CMTM7: variants seen among roughly 807,000 people sequenced by gnomAD.
CMTM7 encodes the protein CKLF like MARVEL transmembrane domain containing 7, also known as CKLF-like MARVEL transmembrane domain-containing protein 7.
A neutral mutation model predicts 19.3 loss-of-function variants in CMTM7; 7 were observed. That is an observed-to-expected ratio of 0.36 (90% CI 0.21 to 0.68). The LOEUF (loss-of-function observed/expected upper bound fraction) is 0.68, where lower values mean the gene tolerates loss of function less well. Among genes scored for constraint, CMTM7 ranks in the 30% least tolerant of loss-of-function variants. The probability of loss-of-function intolerance (pLI) is 0.60; values close to 1 mark genes in which losing one functional copy is unlikely to be tolerated. For synonymous variants in CMTM7, 87 were observed against 99.3 expected (o/e 0.88, Z 0.74); for missense variants, 193 against 232.6 (o/e 0.83, Z 1.11).
chr3:32,440,844 G>A (rs142126515), intron 1 of CMTM7, among the ~76,000 whole-genome samples: 291 of 152,328 alleles, frequency 1.9e-3, no homozygotes, highest in African/African-American at 6.7e-3. Flanking sequence ...ATTGAATCCC[G>A]TGTGTTACTG....
chr3:32,409,019 C>T (rs1321538599), intron 1 of CMTM7, among the ~76,000 whole-genome samples: 7 of 151,948 alleles, frequency 4.6e-5, no homozygotes, highest in Non-Finnish European at 8.8e-5. Context: ...GTAGCTGGGA[C>T]TACAGTCACG....
chr3:32,404,130 T>TTTTC lies in CMTM7; in HGVS notation c.159+12077_159+12080dup, dbSNP rs201541662. On this transcript the variant is annotated intron_variant, in intron 1 of 4. Coordinates refer to ENST00000334983, the MANE Select transcript of CMTM7 (RefSeq NM_138410.4). The stretch of plus-strand genomic sequence containing the variant: ...ACATGCAATTTCCCTTTGTTTAATC[T>TTTTC]TTTCTTTCTTTCTTTTTTTTTCTTT... Among the ~76,000 whole-genome samples, 49 of 150,042 alleles carry TTTTC rather than the reference T, an allele frequency of 3.3e-4. No homozygotes were observed. In the East Asian group the frequency reaches 9.3e-3, roughly 29 times the overall value.
intron 1 of CMTM7, among the ~76,000 whole-genome samples, chr3:32,413,958 T>G (rs547704175): frequency 6.6e-6 from 1 of 152,180 alleles, no homozygotes; most frequent in South Asian, 2.1e-4. Flanking sequence ...GCCTAACCTC[T>G]CCCTGGGGGC....
rs187284321 is a variant in CMTM7, at chr3:32,425,659, A to G, written c.160-16181A>G. On this transcript the variant is annotated intron_variant, in intron 1 of 4. Transcript: ENST00000334983. ...AAGAGTGCCAATCTGTTGTATATAT[A>G]GTACATTCCAGTCTCAACAACATTA... is the stretch of plus-strand genomic sequence containing the variant. Among the ~76,000 whole-genome samples the G allele has an allele frequency of 3.2e-4, 48 of 152,292 alleles. 1 individual carries two copies. Among genetic ancestry groups the G allele is most frequent in the Admixed American group, 1.8e-3 (27 of 15,290 alleles).
chr3:32,419,763 T>C (rs1029827913), intron 1 of CMTM7, among the ~76,000 whole-genome samples: 4 of 152,234 alleles, frequency 2.6e-5, no homozygotes, highest in African/African-American at 9.6e-5. Context: ...CTTATATATG[T>C]TGGATATGAT....
intron 4 of CMTM7, 41 bp downstream of exon 4, chr3:32,452,514 C>T (rs368378519): frequency 1.3e-6 from 2 of 1,595,830 alleles, no homozygotes; most frequent in East Asian, 2.2e-5. Context: ...CTCTCAGGAA[C>T]AGGGGGATGG....
chr3:32,427,802 G>A (rs113003234), intron 1 of CMTM7, among the ~76,000 whole-genome samples: 165 of 152,338 alleles, frequency 1.1e-3, no homozygotes, highest in African/African-American at 3.5e-3. Flanking sequence ...AGAAGCAGAC[G>A]TTGGAAAGGG....
Position 32,435,156 on chromosome 3 carries a change from C to A in CMTM7, c.160-6684C>A, listed in dbSNP as rs186292131. 3.1e-3 allele frequency among the ~76,000 whole-genome samples: 475 copies of A among 152,324 alleles called. 8 individuals carry two copies. The highest frequency in any genetic ancestry group is 0.017 in the Admixed American group (261 of 15,308). ...CGGTGGCTCACGCCTGTAATCTCAA[C>A]ACTTTGGGAGGCCGAGGCGGGTGGA... is the stretch of plus-strand genomic sequence containing the variant. On this transcript the variant is annotated intron_variant, in intron 1 of 4. Transcript: ENST00000334983.
intron 1 of CMTM7, among the ~76,000 whole-genome samples, chr3:32,408,184 T>A (rs985458082): frequency 6.6e-6 from 1 of 152,188 alleles, no homozygotes; most frequent in Admixed American, 6.5e-5. Flanking sequence ...ATGCGTTGAC[T>A]TCAGCCCAAT....
chr3:32,406,989 A>G (rs770825183), intron 1 of CMTM7, among the ~76,000 whole-genome samples: 12 of 152,244 alleles, frequency 7.9e-5, no homozygotes, highest in Non-Finnish European at 8.8e-5. Context: ...GGCTGCAAGC[A>G]TAATGAGTTA....
intron 1 of CMTM7, among the ~76,000 whole-genome samples, chr3:32,430,686 T>TGTGTGTGTGTGTGTGTGTGG (rs1372022722): frequency 6.8e-6 from 1 of 147,246 alleles, no homozygotes; most frequent in Non-Finnish European, 1.5e-5. Context: ...TCTGAATGTG[T>TGTGTGTGTGTGTGTGTGTGG]GTGTGTGTGT....
chr3:32,419,802 T>C (rs1181153928), intron 1 of CMTM7, among the ~76,000 whole-genome samples: 1 of 152,242 alleles, frequency 6.6e-6, no homozygotes, highest in Non-Finnish European at 1.5e-5. Flanking sequence ...GGGTTTTTGA[T>C]AGCCTGGAGT....
chr3:32,411,147 C>A (rs1437250222), intron 1 of CMTM7, among the ~76,000 whole-genome samples: 1 of 152,176 alleles, frequency 6.6e-6, no homozygotes, highest in Non-Finnish European at 1.5e-5. Context: ...GCTTCCCTGT[C>A]GCTGAAAATC....
At chr3:32,411,191 C>G (rs566873175) in intron 1 of CMTM7, among the ~76,000 whole-genome samples, 1 of 152,206 alleles carries the variant, frequency 6.6e-6, no homozygotes, top group South Asian at 2.1e-4. Context: ...TTCATCACCT[C>G]GAAGGCACCA....
intron 1 of CMTM7, among the ~76,000 whole-genome samples, chr3:32,435,592 G>C (rs1267249374): frequency 6.6e-5 from 10 of 152,172 alleles, no homozygotes; most frequent in Non-Finnish European, 1.5e-4. Flanking sequence ...AGACATTTTT[G>C]GTTGTTGTAA....
chr3:32,430,127 G>T (rs925440160), intron 1 of CMTM7, among the ~76,000 whole-genome samples: 1 of 152,016 alleles, frequency 6.6e-6, no homozygotes, highest in Non-Finnish European at 1.5e-5. Context: ...GTGCAATTCA[G>T]TGATTTTTAG....
chr3:32,445,931 G>C (rs558396928), intron 2 of CMTM7, among the ~76,000 whole-genome samples: 66 of 152,128 alleles, frequency 4.3e-4, no homozygotes, highest in African/African-American at 1.6e-3. Flanking sequence ...TTTTGTTGAG[G>C]ATTTTTTGCA....
At chr3:32,430,712 T>TGTGTGTGTGTGTGTGTGTGTGA (rs1202757253) in intron 1 of CMTM7, among the ~76,000 whole-genome samples, 4 of 151,270 alleles carry the variant, frequency 2.6e-5, no homozygotes, top group Non-Finnish European at 5.9e-5. Context: ...TGTGTGTGTG[T>TGTGTGTGTGTGTGTGTGTGTGA]GTGACACAGC....
chr3:32,405,081 C>T (rs1696069934), intron 1 of CMTM7, among the ~76,000 whole-genome samples: 1 of 152,216 alleles, frequency 6.6e-6, no homozygotes, highest in Non-Finnish European at 1.5e-5. Flanking sequence ...GAAAACGGGC[C>T]TTCAGACCTA....
Sources: allele counts gnomAD v4.1 joint callset (sites outside exome capture counted in the v4.1 genomes callset), GRCh38; gene constraint gnomAD v4.1.1; transcripts MANE v1.5; gene names NCBI Gene and HGNC (gene_info 2026-07-23, HGNC 2026-07-21).